Variants in MBD5 observed in about 807,000 individuals in gnomAD.
The protein encoded by MBD5 is methyl-CpG-binding domain protein 5.
Under a neutral mutation model 117.3 loss-of-function variants are expected in MBD5, and 13 were observed. The ratio of observed to expected loss-of-function variants is 0.11; its 90% CI spans 0.07 to 0.18. The LOEUF is 0.18. MBD5 is among the 10% of genes least tolerant of loss of function. MBD5 has a pLI of 1.00. For missense variants in MBD5, 1,879 were observed against 2,093.8 expected, an observed-to-expected ratio of 0.90 and a Z score of 2.00; for synonymous variants, 727 against 766.4, an observed-to-expected ratio of 0.95 and a Z score of 0.85.
intron 8 of MBD5, 118 bp downstream of exon 8, chr2:148,470,579 C>A (rs1028803801): frequency 8.6e-6 from 7 of 812,790 alleles, no homozygotes; most frequent in Non-Finnish European, 1.3e-5. Flanking sequence ...GTGAAATTCT[C>A]TTCATTTCTT....
intron 3 of MBD5, among the ~76,000 whole-genome samples, chr2:148,297,396 A>G (rs1701680565): frequency 6.6e-6 from 1 of 152,178 alleles, no homozygotes; most frequent in Non-Finnish European, 1.5e-5. Flanking sequence ...TCCCATGCAT[A>G]TAGTCCTCCT....
chr2:148,221,634 G>C (rs1392803531), intron 2 of MBD5, among the ~76,000 whole-genome samples: 1 of 151,820 alleles, frequency 6.6e-6, no homozygotes, highest in Admixed American at 6.6e-5. Context: ...CCATAGAGTT[G>C]AGCTCCTTGT....
At position 148,469,628 on chromosome 2, in the gene MBD5, T is replaced by C. The variant is rs1203980585; in HGVS notation, c.1685T>C (p.Leu562Ser). 6.2e-7 allele frequency: 1 copy of C among 1,613,824 alleles called. No individual in the cohort carries two copies. The highest frequency in any genetic ancestry group is 8.5e-7 in the Non-Finnish European group (1 of 1,179,896). The change falls in exon 8 of 14, where the codon TTA becomes TCA. Residue 562 changes from leucine to serine, a missense_variant. Transcript: ENST00000642680. ...KSQPGLLGMP[L>S]NQILNQHNAA... ...CAGCCTGGTTTGCTGGGAATGCCTT[T>C]AAATCAGATCTTGAACCAGCACAAT...
chr2:148,354,298 ATGTTCCCCTCCCTGTGTCCATG>A (rs1703318630), intron 4 of MBD5, among the ~76,000 whole-genome samples: 1 of 150,034 alleles, frequency 6.7e-6, no homozygotes, highest in Admixed American at 6.6e-5. Flanking sequence ...CCAGTGTGTG[ATGTTCCCCTCCCTGTGTCCATG>A]TGTTCTCATT....
chr2:148,090,065 C>T (rs187182146), intron 1 of MBD5, among the ~76,000 whole-genome samples: 24 of 151,924 alleles, frequency 1.6e-4, no homozygotes, highest in African/African-American at 5.1e-4. Context: ...CACCTTTACA[C>T]GCACAAAATA....
chr2:148,458,946 C>G, intron 5 of MBD5, 75 bp downstream of exon 5: 1 of 1,099,652 alleles, frequency 9.1e-7, no homozygotes, highest in African/African-American at 1.5e-5. Flanking sequence ...AGCATGGTGA[C>G]TGATGGCACC....
At chr2:148,352,963 T>G (rs1315278320) in intron 4 of MBD5, among the ~76,000 whole-genome samples, 2 of 152,118 alleles carry the variant, frequency 1.3e-5, no homozygotes, top group Non-Finnish European at 2.9e-5. Context: ...ACTGTCATGT[T>G]TCTGGAGAAA....
At chr2:148,374,028 G>C (rs1425092259) in intron 4 of MBD5, among the ~76,000 whole-genome samples, 1 of 152,008 alleles carries the variant, frequency 6.6e-6, no homozygotes, top group African/African-American at 2.4e-5. Context: ...TTTCAGATTA[G>C]GGCTGCTGAA....
intron 3 of MBD5, among the ~76,000 whole-genome samples, chr2:148,256,414 C>T (rs990240495): frequency 6.6e-6 from 1 of 152,212 alleles, no homozygotes; most frequent in African/African-American, 2.4e-5. Flanking sequence ...TAAACGGTTA[C>T]CTGTTTCTGA....
At chr2:148,269,915 T>C (rs1700944548) in intron 3 of MBD5, among the ~76,000 whole-genome samples, 1 of 152,012 alleles carries the variant, frequency 6.6e-6, no homozygotes, top group Non-Finnish European at 1.5e-5. Flanking sequence ...TTACTGAAGA[T>C]TTTTTCTTAA....
chr2:148,363,166 G>A (rs1703590107), intron 4 of MBD5, among the ~76,000 whole-genome samples: 1 of 152,212 alleles, frequency 6.6e-6, no homozygotes, highest in African/African-American at 2.4e-5. Context: ...GTAGGCTTCA[G>A]AAAGTGGGTA....
At chr2:148,356,464 G>C (rs1011184385) in intron 4 of MBD5, among the ~76,000 whole-genome samples, 6 of 152,118 alleles carry the variant, frequency 3.9e-5, no homozygotes, top group African/African-American at 1.4e-4. Flanking sequence ...CAAGAAGGGA[G>C]AGAATCTGTT....
intron 11 of MBD5, among the ~76,000 whole-genome samples, chr2:148,498,187 G>C (rs961817845): frequency 1.3e-5 from 2 of 152,332 alleles, no homozygotes; most frequent in Non-Finnish European, 2.9e-5. Context: ...TGTGGCTAGT[G>C]CTCCATTATT....
At chr2:148,149,208 C>A (rs1322730527) in intron 1 of MBD5, among the ~76,000 whole-genome samples, 1 of 140,212 alleles carries the variant, frequency 7.1e-6, no homozygotes, top group African/African-American at 2.7e-5. Flanking sequence ...TTTGTTCTTG[C>A]GATAGTTTAC....
At chr2:148,505,677 T>A (rs1036094185) in intron 12 of MBD5, among the ~76,000 whole-genome samples, 1 of 152,198 alleles carries the variant, frequency 6.6e-6, no homozygotes, top group Non-Finnish European at 1.5e-5. Flanking sequence ...TATTTACTCT[T>A]CTTTCTACCC....
Position 148,479,717 on chromosome 2 carries a change from G to GT in MBD5, c.2519-3391dup, listed in dbSNP as rs1208214943. Among the ~76,000 whole-genome samples the GT allele has an allele frequency of 3.2e-3, 181 of 57,298 alleles. 1 individual carries two copies. In the East Asian group the frequency reaches 0.063, roughly 20 times the overall value. The allele number at this position is 57,298 out of a possible 152,430, so 37.6% of individuals were successfully genotyped here. Reference sequence around the variant, plus strand: ...CTTCCATCTACTTTATTATGTCTTTGTTGTTTTTTTTTTTTTTATCATCTT... The same window carrying GT: ...CTTCCATCTACTTTATTATGTCTTTGTTTGTTTTTTTTTTTTTTATCATCTT... On this transcript the variant is annotated intron_variant, in intron 8 of 13. Transcript: ENST00000642680.
chr2:148,116,578 G>C (rs1393701284), intron 1 of MBD5, among the ~76,000 whole-genome samples: 1 of 152,150 alleles, frequency 6.6e-6, no homozygotes, highest in Admixed American at 6.5e-5. Flanking sequence ...GTGTAGGTTA[G>C]TTCAACTCTT....
chr2:148,063,160 T>TTTTATAATTTCC (rs1210109206), intron 1 of MBD5, among the ~76,000 whole-genome samples: 2 of 152,182 alleles, frequency 1.3e-5, no homozygotes, highest in Non-Finnish European at 2.9e-5. Context: ...TACATGTTAC[T>TTTTATAATTTCC]TTTATAATTT....
At chr2:148,449,137 G>A (rs1706650924) in intron 4 of MBD5, among the ~76,000 whole-genome samples, 1 of 152,014 alleles carries the variant, frequency 6.6e-6, no homozygotes, top group African/African-American at 2.4e-5. Flanking sequence ...ACATTCCTAG[G>A]TGGGTTTGCA....
Sources: allele counts gnomAD v4.1 joint callset (sites outside exome capture counted in the v4.1 genomes callset), GRCh38; gene constraint gnomAD v4.1.1; transcripts MANE v1.5; gene names NCBI Gene and HGNC (gene_info 2026-07-23, HGNC 2026-07-21).